The following DCC variants were observed in gnomAD, a reference collection of about 807,000 sequenced individuals.
DCC encodes DCC netrin 1 receptor, also known as netrin receptor DCC.
DCC carries 58 observed loss-of-function variants against 172.5 expected under a neutral mutation model. The ratio of observed to expected loss-of-function variants is 0.34; its 90% confidence interval spans 0.27 to 0.42. The LOEUF (loss-of-function observed/expected upper bound fraction) is 0.42. Among genes scored for constraint, DCC ranks in the 10% least tolerant of loss-of-function variants. DCC has a pLI of 1.00. For synonymous variants in DCC, 709 were observed against 644.5 expected, an observed-to-expected ratio of 1.10 and a Z score of -1.52; for missense variants, 1,740 against 1,791.0, an observed-to-expected ratio of 0.97 and a Z score of 0.51.
chr18:53,521,966 G>T (rs751547234), intron 27 of DCC, among the ~76,000 whole-genome samples: 14 of 152,026 alleles, frequency 9.2e-5, no homozygotes, highest in Non-Finnish European at 1.9e-4. Context: ...CAGCTTTTGT[G>T]ACTATTATAA....
At chr18:52,512,210 A>T (rs1455399450) in intron 1 of DCC, among the ~76,000 whole-genome samples, 1 of 152,190 alleles carries the variant, frequency 6.6e-6, no homozygotes, top group Non-Finnish European at 1.5e-5. Context: ...TTATTATTTG[A>T]TTAGTTCATC....
intron 5 of DCC, among the ~76,000 whole-genome samples, chr18:52,941,656 T>G (rs1272877906): frequency 6.6e-6 from 1 of 152,184 alleles, no homozygotes; most frequent in Non-Finnish European, 1.5e-5. Context: ...ATAGGTAAAT[T>G]TGAAAATACA....
intron 1 of DCC, among the ~76,000 whole-genome samples, chr18:52,736,056 G>C (rs949325121): frequency 6.6e-6 from 1 of 152,018 alleles, no homozygotes; most frequent in Admixed American, 6.6e-5. Flanking sequence ...GTGAGAAAAA[G>C]AAATAACATA....
intron 7 of DCC, among the ~76,000 whole-genome samples, chr18:53,100,529 G>A (rs1402723022): frequency 3.3e-5 from 5 of 151,892 alleles, no homozygotes; most frequent in Non-Finnish European, 5.9e-5. Flanking sequence ...ATAGGTACAA[G>A]GGAGGGAGGG....
chr18:53,004,995 C>A (rs2041622775), intron 5 of DCC, among the ~76,000 whole-genome samples: 1 of 152,156 alleles, frequency 6.6e-6, no homozygotes, highest in Non-Finnish European at 1.5e-5. Context: ...CCTCTTGAGA[C>A]TAGGTTTGTT....
intron 3 of DCC, among the ~76,000 whole-genome samples, chr18:52,908,116 T>A (rs931552613): frequency 1.3e-4 from 20 of 152,208 alleles, no homozygotes; most frequent in African/African-American, 4.6e-4. Flanking sequence ...GGATGTTGGC[T>A]TCGGTCTCTG....
chr18:53,089,116 C>T (rs376558203), intron 7 of DCC, among the ~76,000 whole-genome samples: 26 of 152,238 alleles, frequency 1.7e-4, no homozygotes, highest in South Asian at 2.1e-4. Flanking sequence ...GACAGAGTCT[C>T]GCTCTGCCTC....
At chr18:52,346,219 T>G (rs892607626) in intron 1 of DCC, among the ~76,000 whole-genome samples, 3 of 152,214 alleles carry the variant, frequency 2.0e-5, no homozygotes, top group African/African-American at 7.2e-5. Flanking sequence ...AATTACATGT[T>G]GCATATGCCA....
intron 1 of DCC, among the ~76,000 whole-genome samples, chr18:52,711,993 C>T (rs112437550): frequency 4.0e-5 from 6 of 151,274 alleles, no homozygotes; most frequent in Non-Finnish European, 8.8e-5. Context: ...GACGGAGTCT[C>T]ACTCTGTCAC....
At chr18:53,305,332 G>C (rs1475979226) in intron 12 of DCC, among the ~76,000 whole-genome samples, 1 of 152,098 alleles carries the variant, frequency 6.6e-6, no homozygotes, top group Non-Finnish European at 1.5e-5. Flanking sequence ...TGTCATTTTA[G>C]CAGTGTATGC....
At chr18:53,477,128 C>G (rs1445251766) in intron 25 of DCC, among the ~76,000 whole-genome samples, 1 of 152,148 alleles carries the variant, frequency 6.6e-6, no homozygotes, top group Non-Finnish European at 1.5e-5. Flanking sequence ...CCTGCCTCAG[C>G]CCCCTGAGTA....
chr18:52,690,136 C>A (rs1027080339), intron 1 of DCC, among the ~76,000 whole-genome samples: 1 of 152,124 alleles, frequency 6.6e-6, no homozygotes, highest in Non-Finnish European at 1.5e-5. Context: ...AAGTACTGGG[C>A]TAAGCTGTAT....
intron 5 of DCC, among the ~76,000 whole-genome samples, chr18:52,937,671 A>T (rs185586774): frequency 6.6e-6 from 1 of 152,148 alleles, no homozygotes; most frequent in East Asian, 1.9e-4. Context: ...ATTTTTTTGT[A>T]GAGTTGAGGT....
chr18:53,017,080 C>CTTTTTTTTTTT (rs780984399), intron 5 of DCC, among the ~76,000 whole-genome samples: 3 of 131,306 alleles, frequency 2.3e-5, no homozygotes, highest in Non-Finnish European at 1.6e-5. Context: ...TTTTTCTTTT[C>CTTTTTTTTTTT]TTTTTTTTTT....
intron 2 of DCC, among the ~76,000 whole-genome samples, chr18:52,753,361 TGC>T (rs1219321506): frequency 6.6e-6 from 1 of 152,234 alleles, no homozygotes; most frequent in Non-Finnish European, 1.5e-5. Flanking sequence ...CTCAACTGGC[TGC>T]GTAAAGTTAT....
At chr18:52,391,194 G>A (rs1986017988) in intron 1 of DCC, among the ~76,000 whole-genome samples, 2 of 152,044 alleles carry the variant, frequency 1.3e-5, no homozygotes, top group African/African-American at 2.4e-5. Context: ...TTTATAAGAG[G>A]CAGGATCAAT....
At chr18:53,102,836 C>T (rs1568306414) in intron 7 of DCC, among the ~76,000 whole-genome samples, 1 of 152,018 alleles carries the variant, frequency 6.6e-6, no homozygotes, top group Non-Finnish European at 1.5e-5. Flanking sequence ...ACCATGAAGA[C>T]CCCCTTAGGA....
At chr18:52,929,569 C>T (rs1225813658) in intron 5 of DCC, among the ~76,000 whole-genome samples, 20 of 152,036 alleles carry the variant, frequency 1.3e-4, no homozygotes, top group Admixed American at 9.8e-4. Flanking sequence ...AAACAACTGC[C>T]ATACTTCGAA....
intron 1 of DCC, among the ~76,000 whole-genome samples, chr18:52,643,568 A>G (rs774071534): frequency 9.2e-5 from 14 of 152,172 alleles, no homozygotes; most frequent in Non-Finnish European, 1.6e-4. Context: ...CAAGCTCCCA[A>G]TCCCCCTACA....
Sources: allele counts gnomAD v4.1 joint callset (sites outside exome capture counted in the v4.1 genomes callset), GRCh38; gene constraint gnomAD v4.1.1; transcripts MANE v1.5; gene names NCBI Gene and HGNC (gene_info 2026-07-23, HGNC 2026-07-21).